The following CMTR2 variants were observed in gnomAD, a reference collection of about 807,000 sequenced individuals.
CMTR2 encodes cap-specific mRNA (nucleoside-2'-O-)-methyltransferase 2.
In CMTR2, 40 loss-of-function variants were observed where a neutral mutation model predicts 49.8. That is an observed-to-expected ratio of 0.80 (90% CI 0.62 to 1.04). The LOEUF is 1.04. Among genes scored for constraint, CMTR2 ranks in the 50% least tolerant of loss-of-function variants. The probability of loss-of-function intolerance (pLI) is 0.00; values close to 1 mark genes in which losing one functional copy is unlikely to be tolerated. For synonymous variants in CMTR2, 326 were observed against 315.8 expected, an observed-to-expected ratio of 1.03 and a Z score of -0.34; for missense variants, 907 against 897.2, an observed-to-expected ratio of 1.01 and a Z score of -0.14.
Position 71,281,473 on chromosome 16 carries a change from T to C in CMTR2, c.*2135A>G, listed in dbSNP as rs1200618878. 6.6e-6 allele frequency: 1 copy of C among 151,966 alleles called. No individual in the cohort carries two copies. The highest frequency in any genetic ancestry group is 1.5e-5 in the Non-Finnish European group (1 of 67,826). 9.4% of individuals were successfully genotyped at this position (151,966 alleles called of 1,614,324 possible). On this transcript the variant is annotated 3_prime_UTR_variant, in exon 3 of 3. Transcript: ENST00000434935. ...AAAAGTTTTTAAGAACAGTCTACCT[T>C]GGTAAAACATGCATACTCTCACCTC...
chr16:71,282,870 C>T lies in CMTR2; in HGVS notation c.*738G>A, dbSNP rs1396251939. 2 of 152,498 alleles carry T rather than the reference C, an allele frequency of 1.3e-5. No homozygotes were observed. The highest frequency in any genetic ancestry group is 1.9e-4 in the East Asian group (1 of 5,198). The allele number at this position is 152,498 out of a possible 1,614,324, so 9.4% of individuals were successfully genotyped here. On this transcript the variant is annotated 3_prime_UTR_variant, in exon 3 of 3. Coordinates refer to ENST00000434935, the MANE Select transcript of CMTR2 (RefSeq NM_018348.6). ...TAAATGAAGCTTTTCACAATACAGG[C>T]GTGTATTAGATACAACAAATAATTT... is the stretch of plus-strand genomic sequence containing the variant.
chr16:71,285,620 G>A lies in CMTR2; in HGVS notation c.301C>T (p.His101Tyr). ...TCAGCATTCACAGATTTTCTAACAT[G>A]AGAAATGATTTTCCCCGCTTTATTA... ...FTNKAGKIIS[H>Y]VRKSVNAELC... The change falls in exon 3 of 3, where the codon CAT becomes TAT. Residue 101 changes from histidine to tyrosine, a missense_variant. Physicochemically the swap from His to Tyr is moderately conservative, Grantham distance 83 (BLOSUM62 2). Coordinates refer to ENST00000434935, the MANE Select transcript of CMTR2 (RefSeq NM_018348.6). 6.2e-7 allele frequency: 1 copy of A among 1,614,100 alleles called. No individual in the cohort carries two copies. Among genetic ancestry groups the A allele is most frequent in the Non-Finnish European group, 8.5e-7 (1 of 1,179,974 alleles).
At chr16:71,286,256 A>C (rs2144852461) in intron 2 of CMTR2, among the ~76,000 whole-genome samples, 1 of 152,246 alleles carries the variant, frequency 6.6e-6, no homozygotes, top group Admixed American at 6.5e-5. Context: ...CTAGCATATA[A>C]AAAACATATA....
In CMTR2 at chr16:71,284,851, AG is replaced by A. The variant is rs1298823119; in HGVS notation, c.1069del (p.Lys358ArgfsTer15). 5.6e-6 allele frequency: 9 copies of A among 1,613,960 alleles called. No homozygotes were observed. The highest frequency in any genetic ancestry group is 7.6e-6 in the Non-Finnish European group (9 of 1,179,954). ...FPHHVIPDSF[L>X]KRHEECCVFF... ...CACACAACATTCTTCATGTCTCTTAAGAAAAGAATCAGGAATCACATGATGG... is the reference window on the plus strand; with the variant it reads ...CACACAACATTCTTCATGTCTCTTAAAAAAGAATCAGGAATCACATGATGG... On this transcript the variant is annotated frameshift_variant, in exon 3 of 3. Transcript: ENST00000434935. LOFTEE classifies it high-confidence loss of function.
Position 71,283,938 on chromosome 16 carries a change from T to C in CMTR2, c.1983A>G (p.Val661=). 4 of 1,613,940 alleles carry C rather than the reference T, an allele frequency of 2.5e-6. No individual in the cohort carries two copies. The highest frequency in any genetic ancestry group is 3.4e-6 in the Non-Finnish European group (4 of 1,179,942). ...TGATGAATCTAAAACAACTGTGGAG[T>C]ACAAAGATCAAACCAGCCATAAATC... The part of the protein sequence containing the change: ...FTRFMAGLIF[V]LHSCFRFITF... The change falls in exon 3 of 3, where the codon GTA becomes GTG. Residue 661 remains valine, a synonymous_variant. Transcript: ENST00000434935.
In CMTR2 at chr16:71,284,262, T is replaced by C. The variant is rs764133703; in HGVS notation, c.1659A>G (p.Glu553=). 1.4e-5 allele frequency: 22 copies of C among 1,613,952 alleles called. No individual in the cohort carries two copies. The highest frequency in any genetic ancestry group is 2.2e-5 in the East Asian group (1 of 44,894). The change falls in exon 3 of 3, where the codon GAA becomes GAG. Residue 553 remains glutamate, a synonymous_variant. Transcript: ENST00000434935. ...YSCSCHVFSE[E]LIFSELCSLT... ...GGCTACACAACTCGGAAAATATCAGTTCTTCAGAAAAAACATGACAAGAAC... is the reference window on the plus strand; with the variant it reads ...GGCTACACAACTCGGAAAATATCAGCTCTTCAGAAAAAACATGACAAGAAC...
At chr16:71,288,817 G>A (rs1228380215) in intron 2 of CMTR2, 61 bp downstream of exon 2, 1 of 152,064 alleles carries the variant, frequency 6.6e-6, no homozygotes, top group Non-Finnish European at 1.5e-5. Flanking sequence ...CAGTTATGTA[G>A]CCCCCGCCCA....
Position 71,284,051 on chromosome 16 carries a change from G to T in CMTR2, c.1870C>A (p.Arg624Ser), listed in dbSNP as rs368719534. 3.1e-6 allele frequency: 5 copies of T among 1,613,862 alleles called. No homozygotes were observed. Among genetic ancestry groups the T allele is most frequent in the East Asian group, 2.2e-5 (1 of 44,890 alleles). The change falls in exon 3 of 3, where the codon CGT becomes AGT. Residue 624 changes from arginine to serine, a missense_variant. Arg to Ser is a moderately radical substitution (Grantham distance 110). Coordinates refer to ENST00000434935, the MANE Select transcript of CMTR2 (RefSeq NM_018348.6). ...LLHDGDPTYQRLFLDCLLHSL... is the reference protein window; with the variant it reads ...LLHDGDPTYQSLFLDCLLHSL... Reference sequence around the variant, plus strand: ...TGTAGAAGGCAGTCCAAAAATAAACGCTGGTAAGTTGGATCTCCATCATGA... The same window carrying T: ...TGTAGAAGGCAGTCCAAAAATAAACTCTGGTAAGTTGGATCTCCATCATGA...
Position 71,284,990 on chromosome 16 carries a change from A to T in CMTR2, c.931T>A (p.Ser311Thr). ...TGGAGGCAAACCACATAGACTTCGG[A>T]GTTTCCTGCCTTGCTAGTAGCAGGT... Reference protein sequence around the residue: ...FKPATSKAGNSEVYVVCLHYK... With the variant: ...FKPATSKAGNTEVYVVCLHYK... The change falls in exon 3 of 3, where the codon TCC (serine) becomes ACC (threonine). Residue 311 changes from serine (S) to threonine (T), a missense_variant. Ser to Thr is a moderately conservative substitution (Grantham distance 58). Coordinates refer to ENST00000434935, the MANE Select transcript of CMTR2 (RefSeq NM_018348.6). The T allele has an allele frequency of 6.2e-7, 1 of 1,614,088 alleles. No homozygotes were observed. Among genetic ancestry groups the T allele is most frequent in the Non-Finnish European group, 8.5e-7 (1 of 1,179,974 alleles).
At chr16:71,288,964 C>G (rs2041781319) in intron 1 of CMTR2, 27 bp from the exon 2 acceptor site, 1 of 152,334 alleles carries the variant, frequency 6.6e-6, no homozygotes, top group Non-Finnish European at 1.5e-5. Flanking sequence ...CAGTGAGTAT[C>G]CAGGGCTGAC....
Position 71,283,525 on chromosome 16 carries a change from G to T in CMTR2, c.*83C>A. ...TGTTGGCCTTTCCCCAAAATAAAAGGTTTTTAAATTAATAGAGCAACAGGA... is the reference window on the plus strand; with the variant it reads ...TGTTGGCCTTTCCCCAAAATAAAAGTTTTTTAAATTAATAGAGCAACAGGA... On this transcript the variant is annotated 3_prime_UTR_variant, in exon 3 of 3. Transcript: ENST00000434935. 2 of 1,469,840 alleles carry T rather than the reference G, an allele frequency of 1.4e-6. No individual in the cohort carries two copies. The highest frequency in any genetic ancestry group is 1.4e-5 in the South Asian group (1 of 70,306). The allele number at this position is 1,469,840 out of a possible 1,614,324, so 91.0% of individuals were successfully genotyped here.
chr16:71,283,468 T>C lies in CMTR2; in HGVS notation c.*140A>G, dbSNP rs1308866585. 4 of 1,034,032 alleles carry C rather than the reference T, an allele frequency of 3.9e-6. No homozygotes were observed. Among genetic ancestry groups the C allele is most frequent in the Non-Finnish European group, 5.5e-6 (4 of 723,246 alleles). 64.1% of individuals were successfully genotyped at this position (1,034,032 alleles called of 1,614,324 possible). ...CCCTAGAGATCAGAATGGATGGTTT[T>C]CCAGAATTAATGAGACTTTGAATGA... On this transcript the variant is annotated 3_prime_UTR_variant, in exon 3 of 3. Transcript: ENST00000434935.
At position 71,282,199 on chromosome 16, in the gene CMTR2, A is replaced by C. The variant is rs1259340324; in HGVS notation, c.*1409T>G. The stretch of plus-strand genomic sequence containing the variant: ...ATGAATGCAAATCAGAGAAAATGAA[A>C]GAACATTAACTATCATTCAAAACTC... On this transcript the variant is annotated 3_prime_UTR_variant, in exon 3 of 3. Coordinates refer to ENST00000434935, the MANE Select transcript of CMTR2 (RefSeq NM_018348.6). 6.6e-6 allele frequency: 1 copy of C among 152,114 alleles called. No individual in the cohort carries two copies. The highest frequency in any genetic ancestry group is 6.5e-5 in the Admixed American group (1 of 15,268). 9.4% of individuals were successfully genotyped at this position (152,114 alleles called of 1,614,324 possible).
chr16:71,283,861 A>G lies in CMTR2; in HGVS notation c.2060T>C (p.Leu687Pro). ...SDPLRTCAVL[L>P]CVGYQDLPNP... is the part of the protein sequence containing the mutation. ...TGGAAGGTCCTGATAACCAACACAT[A>G]GCAGGACTGCGCAGGTCCTCAGGGG... The change falls in exon 3 of 3, where the codon CTA (leucine) becomes CCA (proline). Residue 687 changes from leucine to proline, a missense_variant. By Grantham distance (98) the Leu-to-Pro change is moderately conservative. Coordinates refer to ENST00000434935, the MANE Select transcript of CMTR2 (RefSeq NM_018348.6). 1 of 1,614,016 alleles carries G rather than the reference A, an allele frequency of 6.2e-7. No homozygotes were observed. The highest frequency in any genetic ancestry group is 8.5e-7 in the Non-Finnish European group (1 of 1,179,938).
In CMTR2 at chr16:71,285,452, A is replaced by G. The variant is rs2041706356; in HGVS notation, c.469T>C (p.Tyr157His). 1 of 1,614,142 alleles carries G rather than the reference A, an allele frequency of 6.2e-7. No homozygotes were observed. Among genetic ancestry groups the G allele is most frequent in the Non-Finnish European group, 8.5e-7 (1 of 1,179,996 alleles). Residue 157 changes from tyrosine to histidine, a missense_variant, in exon 3 of 3, where the codon TAC becomes CAC. By Grantham distance (83) the Tyr-to-His change is moderately conservative (BLOSUM62 2). Coordinates refer to ENST00000434935, the MANE Select transcript of CMTR2 (RefSeq NM_018348.6). ...PGAFIASLNH[Y>H]LKSHRFPCHW... ...CAAGGAAACCGATGGGATTTTAAGT[A>G]GTGGTTGAGACTAGCTATAAAAGCT...
chr16:71,281,720 T>G lies in CMTR2; in HGVS notation c.*1888A>C, dbSNP rs1324333957. On this transcript the variant is annotated 3_prime_UTR_variant, in exon 3 of 3. Coordinates refer to ENST00000434935, the MANE Select transcript of CMTR2 (RefSeq NM_018348.6). ...ACCCACGTTAAAAAGCAAAATACAT[T>G]TGAGAATACTTCAGTGTTATATATT... 6.6e-6 allele frequency: 1 copy of G among 151,978 alleles called. No individual in the cohort carries two copies. The highest frequency in any genetic ancestry group is 1.5e-5 in the Non-Finnish European group (1 of 67,856). 9.4% of individuals were successfully genotyped at this position (151,978 alleles called of 1,614,324 possible).
intron 2 of CMTR2, chr16:71,286,393 G>C (rs1436916916): frequency 1.3e-5 from 2 of 151,794 alleles, no homozygotes; most frequent in Non-Finnish European, 2.9e-5. Flanking sequence ...TCCATCCTTA[G>C]AGATTCATCC....
Position 71,284,887 on chromosome 16 carries a change from G to A in CMTR2, c.1034C>T (p.Ala345Val). ...LNFGTEMKRK[A>V]LFPHHVIPDS... ...AGGAATCACATGATGGGGAAAAAGGGCTTTCCTTTTCATTTCAGTCCCAAA... is the reference window on the plus strand; with the variant it reads ...AGGAATCACATGATGGGGAAAAAGGACTTTCCTTTTCATTTCAGTCCCAAA... The change falls in exon 3 of 3, where the codon GCC becomes GTC. Residue 345 changes from alanine to valine, a missense_variant. Ala to Val is a moderately conservative substitution (Grantham distance 64). Transcript: ENST00000434935. The A allele has an allele frequency of 6.2e-7, 1 of 1,613,984 alleles. No homozygotes were observed. Among genetic ancestry groups the A allele is most frequent in the Non-Finnish European group, 8.5e-7 (1 of 1,179,958 alleles).
chr16:71,286,063 C>T, intron 2 of CMTR2, 124 bp from the exon 3 acceptor site: 1 of 651,164 alleles, frequency 1.5e-6, no homozygotes, highest in Non-Finnish European at 2.4e-6. Context: ...TCAGCATACT[C>T]TGTTATTTAA....
Sources: allele counts gnomAD v4.1 joint callset (sites outside exome capture counted in the v4.1 genomes callset), GRCh38; gene constraint gnomAD v4.1.1; transcripts MANE v1.5; gene names NCBI Gene and HGNC (gene_info 2026-07-23, HGNC 2026-07-21).